The following WDR4 variants were observed in gnomAD, a reference collection of about 807,000 sequenced individuals.
The protein encoded by WDR4 is WDR4 tRNA N7-guanosine methyltransferase non-catalytic subunit, also known as tRNA (guanine-N(7)-)-methyltransferase non-catalytic subunit WDR4.
Under a neutral mutation model 48.6 loss-of-function variants are expected in WDR4, and 47 were observed. That is an observed-to-expected ratio of 0.97 (90% confidence interval 0.77 to 1.23). The LOEUF is 1.23. WDR4 is among the 50% of genes most tolerant of loss of function. The pLI is 0.00. For synonymous variants in WDR4, 268 were observed against 230.0 expected, an observed-to-expected ratio of 1.17 and a Z score of -1.49; for missense variants, 606 against 551.6, an observed-to-expected ratio of 1.10 and a Z score of -0.99.
chr21:42,853,483 G>A, intron 9 of WDR4, 86 bp downstream of exon 9: 1 of 1,437,296 alleles, frequency 7.0e-7, no homozygotes, highest in South Asian at 1.3e-5. Flanking sequence ...GCTTACCCAT[G>A]GACCCAAAAA....
chr21:42,868,543 AT>A (rs1174288928), intron 3 of WDR4, among the ~76,000 whole-genome samples: 2 of 152,122 alleles, frequency 1.3e-5, no homozygotes, highest in African/African-American at 2.4e-5. Flanking sequence ...TACTCCTCAA[AT>A]GGTGTCTGGT....
At chr21:42,877,127 G>A (rs1438078391) in intron 1 of WDR4, among the ~76,000 whole-genome samples, 3 of 130,978 alleles carry the variant, frequency 2.3e-5, no homozygotes, top group South Asian at 2.4e-4. Flanking sequence ...GAGCCACTGC[G>A]CCTGGCCCTA....
the WDR4 span, among the ~76,000 whole-genome samples, chr21:42,887,314 T>TTTTTTTA: frequency 6.8e-6 from 1 of 147,218 alleles, no homozygotes. Flanking sequence ...TTTTTTTTTT[T>TTTTTTTA]ATTTTATAAA....
downstream of WDR4, among the ~76,000 whole-genome samples, chr21:42,848,056 GT>G (rs2057726396): frequency 6.6e-6 from 1 of 152,220 alleles, no homozygotes; most frequent in African/African-American, 2.4e-5. Context: ...AGACAGCACT[GT>G]TTCCAGATCA....
intron 3 of WDR4, among the ~76,000 whole-genome samples, chr21:42,863,886 C>T (rs1183589997): frequency 1.4e-5 from 2 of 140,584 alleles, no homozygotes; most frequent in East Asian, 2.0e-4. Flanking sequence ...GTGGGTGGAT[C>T]ACAAGGTCAG....
rs1260993903 is a variant in WDR4 at position 42,862,860 on chromosome 21, T to A, written c.454-466A>T. On this transcript the variant is annotated intron_variant, in intron 4 of 10. Coordinates refer to ENST00000398208, the MANE Select transcript of WDR4 (RefSeq NM_018669.6). The surrounding 1 kb of genome is among the most constrained non-coding windows in gnomAD (Gnocchi z 4.3). The stretch of plus-strand genomic sequence containing the variant: ...TCGCCATTGTTCCTGACTGTCCCTG[T>A]GTGCGTCCAATCCCAGCTCCACCAC... Among the ~76,000 whole-genome samples the A allele has an allele frequency of 6.6e-6, 1 of 152,218 alleles. No individual in the cohort carries two copies. The highest frequency in any genetic ancestry group is 1.5e-5 in the Non-Finnish European group (1 of 68,034).
chr21:42,850,041 C>T lies in WDR4; in HGVS notation c.*8G>A, dbSNP rs771304647. ...ATTTGAGGTGAGAGACACCACTGAC[C>T]GCCACGATCAGCAACTTAGCGTCGC... On this transcript the variant is annotated 3_prime_UTR_variant, in exon 11 of 11. Coordinates refer to ENST00000398208, the MANE Select transcript of WDR4 (RefSeq NM_018669.6). The T allele has an allele frequency of 1.4e-5, 23 of 1,613,166 alleles. No homozygotes were observed. The highest frequency in any genetic ancestry group is 2.2e-5 in the East Asian group (1 of 44,870).
chr21:42,846,095 A>G, downstream of WDR4, among the ~76,000 whole-genome samples: 1 of 152,158 alleles, frequency 6.6e-6, no homozygotes, highest in East Asian at 1.9e-4. Flanking sequence ...ACTGCACTCC[A>G]GCCTGGGTAA....
At chr21:42,855,485 C>T (rs1285838041) in intron 7 of WDR4, among the ~76,000 whole-genome samples, 197 bp downstream of exon 7, 3 of 152,244 alleles carry the variant, frequency 2.0e-5, no homozygotes, top group Non-Finnish European at 4.4e-5. Flanking sequence ...TGTTTGCATG[C>T]AACAGGGAGA....
At chr21:42,891,839 C>G in the WDR4 span, among the ~76,000 whole-genome samples, 3 of 151,848 alleles carry the variant, frequency 2.0e-5, no homozygotes, top group Non-Finnish European at 4.4e-5. Flanking sequence ...TGCCTGTTGT[C>G]CCAGCTACTC....
downstream of WDR4, among the ~76,000 whole-genome samples, chr21:42,845,176 G>C (rs969652843): frequency 4.6e-5 from 7 of 152,330 alleles, no homozygotes; most frequent in South Asian, 1.2e-3. Context: ...CAAATCTAAA[G>C]AGAGGGAAGT....
chr21:42,879,210 G>C, intron 1 of WDR4, 197 bp downstream of exon 1: 1 of 1,329,326 alleles, frequency 7.5e-7, no homozygotes, highest in Non-Finnish European at 9.6e-7. Flanking sequence ...GCCGAGAGCG[G>C]ACGGCGAAAG....
intron 10 of WDR4, among the ~76,000 whole-genome samples, chr21:42,852,047 G>GGT: frequency 6.6e-6 from 1 of 152,298 alleles, no homozygotes; most frequent in African/African-American, 2.4e-5. Flanking sequence ...AGTGGCTCTC[G>GGT]TTAGCCTGAC....
rs883269 is a variant in WDR4 at position 42,850,391 on chromosome 21, G to A, written c.1046-149C>T. On this transcript the variant is annotated intron_variant, in intron 10 of 10. Transcript: ENST00000398208. ...GGCGCCTTCTGGGACGGCTCCCCAC[G>A]GTGCCCACCTCCTGGGACCCACACC... 112,326 of 632,346 alleles carry A rather than the reference G, an allele frequency of 0.18. 11,922 individuals are homozygous for A. Among genetic ancestry groups the A allele is most frequent in the Non-Finnish European group, 0.21 (79,502 of 381,980 alleles). The allele number at this position is 632,346 out of a possible 1,614,324, so 39.2% of individuals were successfully genotyped here.
chr21:42,886,653 C>G, the WDR4 span: 2 of 152,238 alleles, frequency 1.3e-5, no homozygotes, highest in African/African-American at 4.8e-5. Context: ...AGCGGGGAGC[C>G]CCTGCAGGCT....
the WDR4 span, among the ~76,000 whole-genome samples, chr21:42,887,780 T>C: frequency 6.6e-6 from 1 of 151,860 alleles, no homozygotes. Context: ...TAGCCGGGCG[T>C]GGTGGCGTGT....
At chr21:42,884,728 A>C in the WDR4 span, among the ~76,000 whole-genome samples, 4 of 151,718 alleles carry the variant, frequency 2.6e-5, no homozygotes, top group African/African-American at 9.7e-5. Flanking sequence ...CCAGCACTAC[A>C]TTGTGGTTCC....
intron 9 of WDR4, 92 bp from the exon 10 acceptor site, chr21:42,852,416 C>A: frequency 7.0e-7 from 1 of 1,429,028 alleles, no homozygotes; most frequent in Non-Finnish European, 9.6e-7. Context: ...GAGAGGCTTG[C>A]AGGGGAGGTC....
At chr21:42,843,230 G>C (rs1246604283) in exon 12 of WDR4, 1 of 152,094 alleles carries the variant, frequency 6.6e-6, no homozygotes, top group Admixed American at 6.6e-5. Flanking sequence ...CAGATCGCAC[G>C]CAAGTGGTCC....
Sources: gnomAD v4.1 joint callset for allele counts (sites outside exome capture counted in the v4.1 genomes callset) on GRCh38, gnomAD v4.1.1 for gene constraint, Gnocchi (gnomAD v3.1) non-coding constraint, MANE v1.5 for transcripts, NCBI Gene and HGNC (gene_info 2026-07-23, HGNC 2026-07-21) for gene names.